Variants in MAPRE2 observed in about 807,000 individuals in gnomAD.
The protein encoded by MAPRE2 is microtubule associated protein RP/EB family member 2.
Under a neutral mutation model 43.2 loss-of-function variants are expected in MAPRE2, and 13 were observed. The ratio of observed to expected loss-of-function variants is 0.30; its 90% confidence interval spans 0.20 to 0.48. The LOEUF is 0.48. Among genes scored for constraint, MAPRE2 ranks in the 20% least tolerant of loss-of-function variants. The probability of loss-of-function intolerance (pLI) is 0.99; values close to 1 mark genes in which losing one functional copy is unlikely to be tolerated. For synonymous variants in MAPRE2, 135 were observed against 148.8 expected, an observed-to-expected ratio of 0.91 and a Z score of 0.68; for missense variants, 161 against 400.2, an observed-to-expected ratio of 0.40 and a Z score of 5.10.
chr18:35,020,153 A>G (rs1195354342), intron 2 of MAPRE2, among the ~76,000 whole-genome samples: 4 of 152,134 alleles, frequency 2.6e-5, no homozygotes, highest in Non-Finnish European at 5.9e-5. Flanking sequence ...TCTTCAAGAA[A>G]GCAATTCAGA....
At chr18:35,012,621 G>A (rs959573337) in intron 2 of MAPRE2, among the ~76,000 whole-genome samples, 4 of 152,168 alleles carry the variant, frequency 2.6e-5, no homozygotes, top group Non-Finnish European at 5.9e-5. Context: ...AGGCCAATGC[G>A]TTAAGTGAAA....
rs950115869 is a variant in MAPRE2, at chr18:35,013,232, C to T, written c.-8+7679C>T. The stretch of plus-strand genomic sequence containing the variant: ...GCAGGTTTAGATAACCCTTAAGATA[C>T]TGACTATAAAGATGGAGACAGAAAG... On this transcript the variant is annotated intron_variant, in intron 2 of 7. Transcript: ENST00000413393. Among the ~76,000 whole-genome samples, 3 of 152,114 alleles carry T rather than the reference C, an allele frequency of 2.0e-5. No individual in the cohort carries two copies. The South Asian group carries it at 6.2e-4, about 32-fold the overall frequency.
chr18:35,070,427 T>C (rs1386972838), intron 2 of MAPRE2, 105 bp downstream of exon 2: 1 of 967,586 alleles, frequency 1.0e-6, no homozygotes, highest in African/African-American at 1.7e-5. Flanking sequence ...AAAAAGTATA[T>C]ATTGCTATTG....
rs116571828 is a variant in MAPRE2, at chr18:35,015,602, T to C, written c.-8+10049T>C. On this transcript the variant is annotated intron_variant, in intron 2 of 7. Coordinates refer to the MAPRE2 transcript ENST00000413393. ...CTTCTAGTCCTCATTCACATAATTT[T>C]ACACAGTTGGTGGGTGTGTATAGGG... 7.0e-3 allele frequency among the ~76,000 whole-genome samples: 1,060 copies of C among 151,106 alleles called. 12 individuals carry two copies. The highest frequency in any genetic ancestry group is 0.024 in the African/African-American group (996 of 40,990).
intron 4 of MAPRE2, 90 bp downstream of exon 4, chr18:35,102,249 C>T: frequency 2.2e-6 from 2 of 923,100 alleles, no homozygotes; most frequent in Non-Finnish European, 3.2e-6. Flanking sequence ...CTGACTGATT[C>T]TTCTCAACAG....
chr18:35,131,363 G>C (rs1170137499), intron 5 of MAPRE2, among the ~76,000 whole-genome samples: 1 of 152,186 alleles, frequency 6.6e-6, no homozygotes, highest in African/African-American at 2.4e-5. Context: ...CAGGCTGCTA[G>C]AGCAGAGTAC....
chr18:35,022,862 G>C (rs961300963), intron 2 of MAPRE2, among the ~76,000 whole-genome samples: 2 of 152,110 alleles, frequency 1.3e-5, no homozygotes, highest in Non-Finnish European at 2.9e-5. Context: ...AATCAGCCAA[G>C]AAATATAATT....
intron 1 of MAPRE2, 123 bp downstream of exon 1, chr18:35,041,784 C>A: frequency 6.5e-7 from 1 of 1,529,894 alleles, no homozygotes. Flanking sequence ...TTTGTGAAGG[C>A]GGTTGTGATT....
At chr18:35,030,023 A>G (rs1311613739) in intron 2 of MAPRE2, among the ~76,000 whole-genome samples, 1 of 152,254 alleles carries the variant, frequency 6.6e-6, no homozygotes, top group East Asian at 1.9e-4. Context: ...GCTGACGCTT[A>G]CTGAGAAATA....
chr18:35,063,482 C>G (rs1175310357), intron 1 of MAPRE2, among the ~76,000 whole-genome samples: 2 of 120,428 alleles, frequency 1.7e-5, no homozygotes, highest in African/African-American at 8.6e-5. Context: ...AAGAAGGTAA[C>G]TTAAAAAAAA....
At chr18:35,130,566 TAGA>T (rs1483026046) in intron 5 of MAPRE2, among the ~76,000 whole-genome samples, 4 of 152,118 alleles carry the variant, frequency 2.6e-5, no homozygotes, top group Non-Finnish European at 4.4e-5. Context: ...CCAGAATTAT[TAGA>T]AGGAGAGAGG....
intron 4 of MAPRE2, among the ~76,000 whole-genome samples, chr18:35,116,916 G>A (rs1453499021): frequency 6.6e-6 from 1 of 152,076 alleles, no homozygotes; most frequent in Non-Finnish European, 1.5e-5. Context: ...TCACACCGAG[G>A]TTACACTTTA....
rs566268251 is a variant in MAPRE2 at position 35,004,680 on chromosome 18, A to C, written c.-69-812A>C. Among the ~76,000 whole-genome samples the C allele has an allele frequency of 2.0e-5, 3 of 152,330 alleles. No individual in the cohort carries two copies. In the East Asian group the frequency reaches 5.8e-4, roughly 29 times the overall value. ...CGCCTGTAATCCCAGCACTTTGGGA[A>C]GCCAAGGCAGGCGGATCGCGAGGTC... is the stretch of plus-strand genomic sequence containing the variant. On this transcript the variant is annotated intron_variant, in intron 1 of 7. Transcript: ENST00000413393.
intron 1 of MAPRE2, among the ~76,000 whole-genome samples, chr18:35,068,846 G>A (rs767554314): frequency 2.6e-5 from 4 of 152,196 alleles, no homozygotes; most frequent in Non-Finnish European, 4.4e-5. Context: ...AACACGGCGT[G>A]AAATAGTCTG....
intron 4 of MAPRE2, among the ~76,000 whole-genome samples, chr18:35,117,651 C>G (rs569156439): frequency 6.6e-6 from 1 of 152,068 alleles, no homozygotes; most frequent in African/African-American, 2.4e-5. Flanking sequence ...AGTAAACAGG[C>G]GAAGGGGTAC....
At chr18:34,989,606 A>G (rs868015189) in intron 1 of MAPRE2, among the ~76,000 whole-genome samples, 1 of 152,114 alleles carries the variant, frequency 6.6e-6, no homozygotes, top group South Asian at 2.1e-4. Context: ...AGATGCTTGG[A>G]AGGCTGAGGC....
chr18:35,019,467 C>G (rs893852285), intron 2 of MAPRE2, among the ~76,000 whole-genome samples: 4 of 151,952 alleles, frequency 2.6e-5, no homozygotes, highest in African/African-American at 4.8e-5. Context: ...AGTTTTCTGC[C>G]TCAATGATCT....
chr18:35,041,484 C>CA lies in MAPRE2; in HGVS notation c.-55dup. The CA allele has an allele frequency of 1.2e-6, 2 of 1,613,032 alleles. No homozygotes were observed. The highest frequency in any genetic ancestry group is 1.7e-6 in the Non-Finnish European group (2 of 1,179,502). On this transcript the variant is annotated 5_prime_UTR_variant, in exon 1 of 7. Coordinates refer to ENST00000300249, the MANE Select transcript of MAPRE2 (RefSeq NM_014268.4). Reference sequence around the variant, plus strand: ...AGGCGAGCGAGCGGGAAGACGCAGCCACCTTCCTCACCAGCCAGCCCACAG... The same window carrying CA: ...AGGCGAGCGAGCGGGAAGACGCAGCCAACCTTCCTCACCAGCCAGCCCACAG...
At chr18:34,986,495 T>C (rs35891586) in intron 1 of MAPRE2, among the ~76,000 whole-genome samples, 8 of 152,178 alleles carry the variant, frequency 5.3e-5, no homozygotes, top group South Asian at 4.1e-4. Context: ...AAGACGCTAT[T>C]GATATAAGTA....
Sources: gnomAD v4.1 joint callset for allele counts (sites outside exome capture counted in the v4.1 genomes callset) on GRCh38, gnomAD v4.1.1 for gene constraint, MANE v1.5 for transcripts, NCBI Gene and HGNC (gene_info 2026-07-23, HGNC 2026-07-21) for gene names.